Variants in CACNG2 observed in about 807,000 individuals in gnomAD.
CACNG2 encodes calcium voltage-gated channel auxiliary subunit gamma 2, also known as voltage-dependent calcium channel gamma-2 subunit.
Under a neutral mutation model 25.9 loss-of-function variants are expected in CACNG2, and 3 were observed. The observed-to-expected ratio is 0.12, with a 90% CI of 0.05 to 0.30. CACNG2 has a LOEUF of 0.30. CACNG2 is among the 10% of genes least tolerant of loss of function. CACNG2 has a pLI of 1.00. For synonymous variants in CACNG2, 167 were observed against 173.3 expected, an observed-to-expected ratio of 0.96 and a Z score of 0.29; for missense variants, 341 against 432.5, an observed-to-expected ratio of 0.79 and a Z score of 1.88.
chr22:36,647,523 G>T (rs551580396), intron 1 of CACNG2, among the ~76,000 whole-genome samples: 171 of 152,232 alleles, frequency 1.1e-3, no homozygotes, highest in African/African-American at 3.8e-3. Flanking sequence ...TTGAACCCAG[G>T]AGGTGGAGGT....
At chr22:36,568,804 TG>T (rs1284746557) in intron 2 of CACNG2, among the ~76,000 whole-genome samples, 2 of 130,258 alleles carry the variant, frequency 1.5e-5, no homozygotes, top group African/African-American at 5.9e-5. Context: ...GTGGGTTATT[TG>T]GGGGGGACCT....
chr22:36,602,076 G>T (rs145994142), intron 1 of CACNG2, among the ~76,000 whole-genome samples: 3 of 152,090 alleles, frequency 2.0e-5, no homozygotes, highest in Non-Finnish European at 4.4e-5. Flanking sequence ...GATTAGTGAC[G>T]TTGGACACTT....
chr22:36,606,943 T>G lies in CACNG2; in HGVS notation c.212-19395A>C, dbSNP rs1935845502. Among the ~76,000 whole-genome samples the G allele has an allele frequency of 2.0e-5, 3 of 151,524 alleles. No individual in the cohort carries two copies. In the South Asian group the frequency reaches 6.3e-4, roughly 32 times the overall value. On this transcript the variant is annotated intron_variant, in intron 1 of 3. Coordinates refer to ENST00000300105, the MANE Select transcript of CACNG2 (RefSeq NM_006078.5). This position sits in a 1 kb window ranked among gnomAD's most constrained non-coding sequence, Gnocchi z 5.7. The stretch of plus-strand genomic sequence containing the variant: ...GTGTATATGTGTGTATGTGTTTATA[T>G]GGGTGTGTGTAGGTATTATGTGTAT...
intron 1 of CACNG2, among the ~76,000 whole-genome samples, chr22:36,640,092 G>C (rs1936420264): frequency 6.6e-6 from 1 of 152,162 alleles, no homozygotes. Flanking sequence ...CAAGAGTAGG[G>C]ACTCTGGGAC....
intron 2 of CACNG2, chr22:36,584,539 G>A (rs1935469498): frequency 6.6e-6 from 1 of 152,256 alleles, no homozygotes; most frequent in Non-Finnish European, 1.5e-5. Context: ...TAACCTTCAC[G>A]AAGGCACTGG....
intron 1 of CACNG2, among the ~76,000 whole-genome samples, chr22:36,632,514 C>G (rs1056761485): frequency 5.3e-5 from 8 of 151,022 alleles, no homozygotes; most frequent in Non-Finnish European, 1.0e-4. Flanking sequence ...TTTCTCTTCC[C>G]CCTTCTCTCT....
chr22:36,645,665 G>A (rs1936512569), intron 1 of CACNG2, among the ~76,000 whole-genome samples: 1 of 151,876 alleles, frequency 6.6e-6, no homozygotes, highest in African/African-American at 2.4e-5. Flanking sequence ...CTTCCTTGAC[G>A]GCAATGGATA....
intron 1 of CACNG2, among the ~76,000 whole-genome samples, chr22:36,623,326 C>T (rs887028899): frequency 3.6e-4 from 55 of 151,982 alleles, no homozygotes; most frequent in Admixed American, 2.6e-4. Context: ...CAGTCCAGAA[C>T]GTGGATTATT....
intron 1 of CACNG2, among the ~76,000 whole-genome samples, chr22:36,597,716 G>T (rs1935698008): frequency 6.6e-6 from 1 of 152,142 alleles, no homozygotes; most frequent in Admixed American, 6.5e-5. Flanking sequence ...GCATTTTAAT[G>T]GGCATGGGAA....
At position 36,564,652 on chromosome 22, in the gene CACNG2, G is replaced by A; in HGVS notation, c.671C>T (p.Thr224Ile). The change falls in exon 4 of 4, where the codon ACC (threonine) becomes ATC (isoleucine). Residue 224 changes from threonine (T) to isoleucine (I), a missense_variant. By Grantham distance (89) the Thr-to-Ile change is moderately conservative (BLOSUM62 -1). Coordinates refer to ENST00000300105, the MANE Select transcript of CACNG2 (RefSeq NM_006078.5). The surrounding 1 kb of genome is among the most constrained non-coding windows in gnomAD (Gnocchi z 6.7). The stretch of plus-strand genomic sequence containing the variant: ...GCGGTAGCGGTAGCTGGGGATGCGG[G>A]TGATGGCAGAGGCCTGGAGGTAGTC... ...ATDYLQASAI[T>I]RIPSYRYRYQ... The A allele has an allele frequency of 1.2e-6, 2 of 1,613,950 alleles. No individual in the cohort carries two copies. Among genetic ancestry groups the A allele is most frequent in the Non-Finnish European group, 1.7e-6 (2 of 1,180,016 alleles).
intron 1 of CACNG2, among the ~76,000 whole-genome samples, chr22:36,590,960 C>T (rs2145924560): frequency 6.6e-6 from 1 of 152,244 alleles, no homozygotes; most frequent in Middle Eastern, 3.4e-3. Context: ...CTCCTAACCT[C>T]CTTCTGCCTC....
chr22:36,585,467 C>A (rs552021175), intron 2 of CACNG2: 1 of 152,300 alleles, frequency 6.6e-6, no homozygotes, highest in African/African-American at 2.4e-5. Flanking sequence ...TGTTTTCCGG[C>A]CCAGGACTAG....
intron 1 of CACNG2, among the ~76,000 whole-genome samples, chr22:36,609,209 G>C (rs181965864): frequency 4.8e-5 from 7 of 146,022 alleles, no homozygotes; most frequent in African/African-American, 1.8e-4. Context: ...GCAGGAATCA[G>C]CACCCCCAGA....
chr22:36,632,847 C>T lies in CACNG2; in HGVS notation c.212-45299G>A, dbSNP rs754384683. ...CTCTTCTCTAGCTATCCTTACCCTTCAAGCCTCCTTATCTCAGCCCAAGTG... is the reference window on the plus strand; with the variant it reads ...CTCTTCTCTAGCTATCCTTACCCTTTAAGCCTCCTTATCTCAGCCCAAGTG... On this transcript the variant is annotated intron_variant, in intron 1 of 3. Transcript: ENST00000300105. Among the ~76,000 whole-genome samples, 12 of 152,078 alleles carry T rather than the reference C, an allele frequency of 7.9e-5. No individual in the cohort carries two copies. The South Asian group carries it at 1.0e-3, about 13-fold the overall frequency.
intron 1 of CACNG2, among the ~76,000 whole-genome samples, chr22:36,678,650 G>A (rs1201107865): frequency 7.5e-6 from 1 of 133,782 alleles, no homozygotes; most frequent in Admixed American, 8.3e-5. Flanking sequence ...CCCACACTAC[G>A]GATATGACCT....
chr22:36,576,099 C>T (rs1431001223), intron 2 of CACNG2, among the ~76,000 whole-genome samples: 1 of 152,206 alleles, frequency 6.6e-6, no homozygotes, highest in African/African-American at 2.4e-5. Flanking sequence ...TATAGCAGTA[C>T]AATTTGCAAG....
chr22:36,607,806 C>T (rs1935867573), intron 1 of CACNG2, among the ~76,000 whole-genome samples: 1 of 152,196 alleles, frequency 6.6e-6, no homozygotes, highest in African/African-American at 2.4e-5. Context: ...CCAATCAGAT[C>T]CAAAACTCTC....
At chr22:36,633,682 C>T (rs149223168) in intron 1 of CACNG2, among the ~76,000 whole-genome samples, 120 of 152,218 alleles carry the variant, frequency 7.9e-4, no homozygotes, top group African/African-American at 2.6e-3. Flanking sequence ...ATTTTAAGAG[C>T]TTAATTTACT....
intron 1 of CACNG2, among the ~76,000 whole-genome samples, chr22:36,587,797 C>A (rs139729526): frequency 1.3e-5 from 2 of 152,358 alleles, no homozygotes; most frequent in East Asian, 3.9e-4. Context: ...TGCACTGAAG[C>A]TTCTGAGGAT....
Sources: gnomAD v4.1 joint callset for allele counts (sites outside exome capture counted in the v4.1 genomes callset) on GRCh38, gnomAD v4.1.1 for gene constraint, Gnocchi (gnomAD v3.1) non-coding constraint, MANE v1.5 for transcripts, NCBI Gene and HGNC (gene_info 2026-07-23, HGNC 2026-07-21) for gene names.